Variants in OPCML observed in about 807,000 individuals in gnomAD.
OPCML encodes the protein opioid binding protein/cell adhesion molecule like, also known as opioid-binding protein/cell adhesion molecule.
In OPCML, 13 loss-of-function variants were observed where a neutral mutation model predicts 37.8. The observed-to-expected ratio is 0.34, with a 90% CI of 0.22 to 0.55. The LOEUF is 0.55. Among genes scored for constraint, OPCML ranks in the 20% least tolerant of loss-of-function variants. OPCML has a pLI of 0.91. For missense variants in OPCML, 341 were observed against 435.6 expected (o/e 0.78, Z 1.93); for synonymous variants, 176 against 168.8 (o/e 1.04, Z -0.33).
rs571109503 is a variant in OPCML at position 133,049,275 on chromosome 11, T to C, written c.62-106265A>G. Among the ~76,000 whole-genome samples the C allele has an allele frequency of 2.0e-5, 3 of 152,296 alleles. No individual in the cohort carries two copies. In the East Asian group the frequency reaches 5.8e-4, roughly 29 times the overall value. On this transcript the variant is annotated intron_variant, in intron 1 of 7. Coordinates refer to ENST00000524381, the MANE Select transcript of OPCML (RefSeq NM_001012393.5). ...TCTGAACATAACCTACTCAGGTCAG[T>C]TCCTATTGCTTTAGAAGACTCAGTG...
intron 1 of OPCML, among the ~76,000 whole-genome samples, chr11:133,075,853 G>A (rs1346436753): frequency 6.6e-6 from 1 of 152,158 alleles, no homozygotes; most frequent in African/African-American, 2.4e-5. Flanking sequence ...GAAACAAGAA[G>A]GAATCTGCAG....
intron 1 of OPCML, among the ~76,000 whole-genome samples, chr11:133,518,801 G>GGGGCT (rs1221869074): frequency 6.6e-6 from 1 of 152,034 alleles, no homozygotes; most frequent in African/African-American, 2.4e-5. Context: ...TGGTGTGTTG[G>GGGGCT]GGGCTGGGCT....
rs528176172 is a variant in OPCML, at chr11:132,459,096, G to T, written c.506-21737C>A. The stretch of plus-strand genomic sequence containing the variant: ...GCAGGCATCATACAATTCACTGAGG[G>T]CCTGAACAGAACAGAAAGGCAGAGG... On this transcript the variant is annotated intron_variant, in intron 4 of 7. Transcript: ENST00000524381. Among the ~76,000 whole-genome samples the T allele has an allele frequency of 1.2e-4, 19 of 152,276 alleles. No homozygotes were observed. The East Asian group carries it at 3.5e-3, about 28-fold the overall frequency.
intron 1 of OPCML, among the ~76,000 whole-genome samples, chr11:132,951,866 C>T (rs951436960): frequency 1.1e-4 from 16 of 152,182 alleles, no homozygotes; most frequent in African/African-American, 3.6e-4. Flanking sequence ...AATGAAAAGG[C>T]TTCTGTGGTT....
At chr11:133,194,948 C>A (rs7102837) in intron 1 of OPCML, among the ~76,000 whole-genome samples, 16 of 152,122 alleles carry the variant, frequency 1.1e-4, no homozygotes, top group African/African-American at 3.6e-4. Flanking sequence ...AACTCCTTCA[C>A]GTAGCCTTTC....
intron 1 of OPCML, among the ~76,000 whole-genome samples, chr11:133,110,552 G>T (rs1190429407): frequency 6.6e-6 from 1 of 152,148 alleles, no homozygotes; most frequent in Non-Finnish European, 1.5e-5. Flanking sequence ...TTTGAGAAGG[G>T]CCTTGATCTT....
chr11:132,663,990 G>A (rs570874117), intron 2 of OPCML, among the ~76,000 whole-genome samples: 48 of 152,094 alleles, frequency 3.2e-4, no homozygotes, highest in African/African-American at 1.1e-3. Context: ...CCGCCACCAC[G>A]CCCGGCTAAT....
chr11:132,421,151 G>A (rs374377581), intron 7 of OPCML, among the ~76,000 whole-genome samples: 102 of 152,220 alleles, frequency 6.7e-4, no homozygotes, highest in African/African-American at 2.5e-3. Context: ...TGCTTCAAGG[G>A]CAGGTGTATC....
chr11:133,134,722 C>A (rs1565464120), intron 1 of OPCML, among the ~76,000 whole-genome samples: 2 of 152,264 alleles, frequency 1.3e-5, no homozygotes, highest in East Asian at 1.9e-4. Context: ...CCACATCAAG[C>A]GAGATGAGCC....
At chr11:133,006,018 G>A (rs190759606) in intron 1 of OPCML, 74 of 985,342 alleles carry the variant, frequency 7.5e-5, no homozygotes, top group Admixed American at 1.8e-4. Context: ...CCTTCTGAGC[G>A]GAGTGTGGCC....
At chr11:133,028,558 T>C (rs201471010) in intron 1 of OPCML, among the ~76,000 whole-genome samples, 1 of 144,724 alleles carries the variant, frequency 6.9e-6, no homozygotes, top group African/African-American at 2.5e-5. Flanking sequence ...TGTGTGTACA[T>C]GTGAGAGAGA....
chr11:132,564,147 A>G lies in OPCML; in HGVS notation c.380-34961T>C, dbSNP rs115695353. ...ACGCCTGCTCTCCCGATTGATCTTG[A>G]GTCTGGGGCTCTCTTGGCCTGGTCA... On this transcript the variant is annotated intron_variant, in intron 3 of 7. Coordinates refer to ENST00000524381, the MANE Select transcript of OPCML (RefSeq NM_001012393.5). Among the ~76,000 whole-genome samples, 590 of 152,324 alleles carry G rather than the reference A, an allele frequency of 3.9e-3. 2 individuals are homozygous for G. The highest frequency in any genetic ancestry group is 0.011 in the African/African-American group (461 of 41,580).
intron 1 of OPCML, among the ~76,000 whole-genome samples, chr11:133,485,635 C>T (rs1325531561): frequency 6.6e-6 from 1 of 152,192 alleles, no homozygotes; most frequent in Non-Finnish European, 1.5e-5. Context: ...TGCAGCAAAA[C>T]ATCTCCAAAG....
intron 1 of OPCML, among the ~76,000 whole-genome samples, chr11:133,290,963 T>C (rs1942457010): frequency 6.6e-6 from 1 of 152,212 alleles, no homozygotes; most frequent in South Asian, 2.1e-4. Context: ...AGGTGTGTTT[T>C]CAGACATCAG....
chr11:133,030,855 T>C (rs1030939549), intron 1 of OPCML, among the ~76,000 whole-genome samples: 4 of 152,078 alleles, frequency 2.6e-5, no homozygotes, highest in African/African-American at 7.2e-5. Flanking sequence ...AAGCATTCCA[T>C]CGTCCTTTGC....
chr11:133,492,712 C>CAAAA (rs10688841), intron 1 of OPCML, among the ~76,000 whole-genome samples: 7 of 126,842 alleles, frequency 5.5e-5, no homozygotes, highest in East Asian at 4.9e-4. Flanking sequence ...CAATTACTGC[C>CAAAA]AAAAAAAAAA....
At chr11:132,510,260 C>T (rs950336991) in intron 4 of OPCML, among the ~76,000 whole-genome samples, 5 of 152,122 alleles carry the variant, frequency 3.3e-5, no homozygotes, top group Non-Finnish European at 5.9e-5. Flanking sequence ...AACTAGCTTG[C>T]TTTTGATTTT....
chr11:133,244,129 G>A lies in OPCML; in HGVS notation c.61+288135C>T, dbSNP rs74922446. Among the ~76,000 whole-genome samples the A allele has an allele frequency of 3.3e-3, 501 of 152,332 alleles. 2 individuals carry two copies. Among genetic ancestry groups the A allele is most frequent in the African/African-American group, 0.012 (487 of 41,588 alleles). On this transcript the variant is annotated intron_variant, in intron 1 of 7. Transcript: ENST00000524381. ...TGGGGCAGGTGCAATAGCACTGCTA[G>A]CCCATTAGAGCATGGGGGTGAGGAC...
chr11:132,754,422 GCCAT>G (rs1196657291), intron 2 of OPCML, among the ~76,000 whole-genome samples: 2 of 152,138 alleles, frequency 1.3e-5, no homozygotes, highest in African/African-American at 4.8e-5. Flanking sequence ...TTTGCTTGCT[GCCAT>G]CTATGTAAGA....
Sources: gnomAD v4.1 joint callset for allele counts (sites outside exome capture counted in the v4.1 genomes callset) on GRCh38, gnomAD v4.1.1 for gene constraint, MANE v1.5 for transcripts, NCBI Gene and HGNC (gene_info 2026-07-23, HGNC 2026-07-21) for gene names.